Variants in ZBTB20 observed in about 807,000 individuals in gnomAD.
The protein encoded by ZBTB20 is zinc finger and BTB domain containing 20, also known as zinc finger and BTB domain-containing protein 20.
Under a neutral mutation model 56.9 loss-of-function variants are expected in ZBTB20, and 9 were observed. That is an observed-to-expected ratio of 0.16 (90% CI 0.10 to 0.28). The LOEUF is 0.28. Among genes scored for constraint, ZBTB20 ranks in the 10% least tolerant of loss-of-function variants. The probability of loss-of-function intolerance (pLI) is 1.00; values close to 1 mark genes in which losing one functional copy is unlikely to be tolerated. For synonymous variants in ZBTB20, 417 were observed against 420.7 expected (o/e 0.99, Z 0.11); for missense variants, 655 against 1,003.0 (o/e 0.65, Z 4.69).
At chr3:115,005,685 A>G (rs1312594063) in intron 2 of ZBTB20, among the ~76,000 whole-genome samples, 1 of 151,836 alleles carries the variant, frequency 6.6e-6, no homozygotes, top group African/African-American at 2.4e-5. Context: ...TGACAAATCT[A>G]TCAACTTCTC....
intron 5 of ZBTB20, among the ~76,000 whole-genome samples, chr3:114,777,344 A>C (rs1453095732): frequency 2.0e-5 from 3 of 152,152 alleles, no homozygotes; most frequent in Non-Finnish European, 4.4e-5. Flanking sequence ...GTCTCTACTA[A>C]AAATACAAAA....
intron 4 of ZBTB20, among the ~76,000 whole-genome samples, chr3:114,878,970 C>A (rs748976704): frequency 2.6e-5 from 4 of 152,048 alleles, no homozygotes; most frequent in Non-Finnish European, 4.4e-5. Context: ...AATTATAAAG[C>A]CAGGTACGAA....
chr3:114,822,895 C>T lies in ZBTB20; in HGVS notation c.-416-21721G>A, dbSNP rs187748729. ...GTCAAATTATATGACTAGGTACATC[C>T]GTTGTCTTTGATGTTATGAATCAAG... On this transcript the variant is annotated intron_variant, in intron 4 of 11. Coordinates refer to ENST00000675478, the MANE Select transcript of ZBTB20 (RefSeq NM_001348800.3). Among the ~76,000 whole-genome samples, 366 of 152,036 alleles carry T rather than the reference C, an allele frequency of 2.4e-3. 2 individuals carry two copies. The highest frequency in any genetic ancestry group is 6.8e-3 in the Middle Eastern group (2 of 292).
At chr3:114,936,268 G>A (rs575408812) in intron 3 of ZBTB20, among the ~76,000 whole-genome samples, 1 of 152,174 alleles carries the variant, frequency 6.6e-6, no homozygotes, top group African/African-American at 2.4e-5. Flanking sequence ...ATGCACACAT[G>A]CATGCACGCA....
chr3:114,487,807 A>C (rs746252169), intron 7 of ZBTB20, among the ~76,000 whole-genome samples: 2 of 152,206 alleles, frequency 1.3e-5, no homozygotes, highest in African/African-American at 2.4e-5. Flanking sequence ...TTCATTAAGT[A>C]TGTAGTAATA....
At chr3:114,441,748 T>C (rs544628598) in intron 7 of ZBTB20, among the ~76,000 whole-genome samples, 18 of 152,234 alleles carry the variant, frequency 1.2e-4, no homozygotes, top group African/African-American at 4.3e-4. Flanking sequence ...ATAATGAACA[T>C]ATTCAACATT....
intron 7 of ZBTB20, among the ~76,000 whole-genome samples, chr3:114,400,088 T>C (rs749118051): frequency 4.7e-4 from 72 of 152,090 alleles, no homozygotes; most frequent in Non-Finnish European, 9.1e-4. Context: ...AAAAATGCCA[T>C]GGTTGTCAAC....
intron 1 of ZBTB20, among the ~76,000 whole-genome samples, chr3:115,130,598 T>G (rs1179232236): frequency 1.3e-5 from 2 of 152,114 alleles, no homozygotes; most frequent in Non-Finnish European, 2.9e-5. Flanking sequence ...CATCTGAAGA[T>G]TTAAGAGAAC....
chr3:114,704,095 T>A (rs2063565554), intron 5 of ZBTB20, among the ~76,000 whole-genome samples: 1 of 152,166 alleles, frequency 6.6e-6, no homozygotes, highest in Non-Finnish European at 1.5e-5. Flanking sequence ...TAAATCTTCC[T>A]GCTAATTTCT....
intron 1 of ZBTB20, among the ~76,000 whole-genome samples, chr3:115,106,939 T>A (rs960377188): frequency 2.0e-5 from 3 of 152,192 alleles, no homozygotes; most frequent in African/African-American, 4.8e-5. Context: ...CAACAGTACA[T>A]AGGGTTTATA....
At chr3:114,544,406 CTTCTTTCT>C (rs200949949) in intron 6 of ZBTB20, among the ~76,000 whole-genome samples, 19,714 of 120,850 alleles carry the variant, frequency 0.16, 1,864 homozygotes, top group Non-Finnish European at 0.19. Flanking sequence ...AACTAGATTT[CTTCTTTCT>C]TTCTTTCTTT....
In ZBTB20 at chr3:114,318,402, T is replaced by A. The variant is rs577247129; in HGVS notation, c.*20603A>T. 16 of 152,508 alleles carry A rather than the reference T, an allele frequency of 1.0e-4. No homozygotes were observed. The highest frequency in any genetic ancestry group is 3.1e-4 in the African/African-American group (13 of 41,550). The allele number at this position is 152,508 out of a possible 1,614,324, so 9.4% of individuals were successfully genotyped here. A position where few individuals can be genotyped will look rare whatever the true frequency, so the allele number is the denominator to read the frequency against. ...AAGGCAGAGCCAGGCTAGGGAACGATGATAACAGTAACAGGAGGGTCTCAG... is the reference window on the plus strand; with the variant it reads ...AAGGCAGAGCCAGGCTAGGGAACGAAGATAACAGTAACAGGAGGGTCTCAG... On this transcript the variant is annotated 3_prime_UTR_variant, in exon 12 of 12. Coordinates refer to ENST00000675478, the MANE Select transcript of ZBTB20 (RefSeq NM_001348800.3).
intron 2 of ZBTB20, among the ~76,000 whole-genome samples, chr3:114,999,189 G>A (rs963946333): frequency 9.6e-5 from 14 of 145,428 alleles, no homozygotes; most frequent in Non-Finnish European, 2.0e-4. Flanking sequence ...AGGAAAGGAG[G>A]AAGGAAAGGA....
chr3:114,477,929 GTCTCTCTC>G (rs66520481), intron 7 of ZBTB20, among the ~76,000 whole-genome samples: 1 of 121,714 alleles, frequency 8.2e-6, no homozygotes, highest in Admixed American at 9.4e-5. Context: ...TTCTTTCTCT[GTCTCTCTC>G]TCTCTCTCTC....
Position 114,892,846 on chromosome 3 carries a change from T to A in ZBTB20, c.-417+7458A>T, listed in dbSNP as rs529040385. 1.8e-4 allele frequency among the ~76,000 whole-genome samples: 28 copies of A among 152,306 alleles called. No individual in the cohort carries two copies. In the East Asian group the frequency reaches 5.4e-3, roughly 29 times the overall value. On this transcript the variant is annotated intron_variant, in intron 4 of 11. Coordinates refer to ENST00000675478, the MANE Select transcript of ZBTB20 (RefSeq NM_001348800.3). ...AGATAATGACCTGCAAATTTCCAGG[T>A]TGTGATATAAAGTGATCATTCCATC...
intron 5 of ZBTB20, among the ~76,000 whole-genome samples, chr3:114,720,980 C>T (rs1270056998): frequency 2.6e-5 from 4 of 152,000 alleles, no homozygotes; most frequent in African/African-American, 9.7e-5. Flanking sequence ...CTTTGAAAAA[C>T]ATGTAAGATT....
chr3:114,963,696 T>A (rs565704534), intron 3 of ZBTB20, among the ~76,000 whole-genome samples: 55 of 152,180 alleles, frequency 3.6e-4, no homozygotes, highest in Non-Finnish European at 7.1e-4. Flanking sequence ...TATTAATCTT[T>A]CAATGTTTTC....
At chr3:114,669,662 AG>A (rs1323156454) in intron 6 of ZBTB20, among the ~76,000 whole-genome samples, 1 of 151,902 alleles carries the variant, frequency 6.6e-6, no homozygotes, top group Non-Finnish European at 1.5e-5. Flanking sequence ...AGTTATGCAA[AG>A]TTAAAGTCAT....
At chr3:114,751,916 T>A (rs1172494688) in intron 5 of ZBTB20, among the ~76,000 whole-genome samples, 1 of 152,136 alleles carries the variant, frequency 6.6e-6, no homozygotes, top group African/African-American at 2.4e-5. Context: ...TTTTGAATTG[T>A]TTTGTTAGTA....
Sources: gnomAD v4.1 joint callset for allele counts (sites outside exome capture counted in the v4.1 genomes callset) on GRCh38, gnomAD v4.1.1 for gene constraint, MANE v1.5 for transcripts, NCBI Gene and HGNC (gene_info 2026-07-23, HGNC 2026-07-21) for gene names.